Variants in FERMT1 observed in about 807,000 individuals in gnomAD.
The protein encoded by FERMT1 is fermitin family homolog 1.
FERMT1 carries 60 observed loss-of-function variants against 85.3 expected under a neutral mutation model. That is an observed-to-expected ratio of 0.70 (90% confidence interval 0.57 to 0.87). The LOEUF (loss-of-function observed/expected upper bound fraction) is 0.87, where lower values mean the gene tolerates loss of function less well. FERMT1 is among the 40% of genes least tolerant of loss of function. The pLI, the probability that FERMT1 is intolerant of heterozygous loss-of-function variation, is 0.00. For synonymous variants in FERMT1, 275 were observed against 301.1 expected (o/e 0.91, Z 0.90); for missense variants, 701 against 818.9 (o/e 0.86, Z 1.76).
chr20:6,083,379 C>A lies in FERMT1; in HGVS notation c.1718+661G>T, dbSNP rs1354601141. 2.0e-5 allele frequency among the ~76,000 whole-genome samples: 3 copies of A among 152,148 alleles called. No homozygotes were observed. In the East Asian group the frequency reaches 5.8e-4, roughly 29 times the overall value. Reference sequence around the variant, plus strand: ...TGGGCCTCCTATGCATCCTTCAGACCCAGAAATCTTCAGAGACCAGTGAGA... The same window carrying A: ...TGGGCCTCCTATGCATCCTTCAGACACAGAAATCTTCAGAGACCAGTGAGA... On this transcript the variant is annotated intron_variant, in intron 13 of 14. Coordinates refer to ENST00000217289, the MANE Select transcript of FERMT1 (RefSeq NM_017671.5).
intron 14 of FERMT1, 109 bp from the exon 15 acceptor site, chr20:6,077,455 G>T: frequency 1.0e-6 from 1 of 967,294 alleles, no homozygotes; most frequent in Non-Finnish European, 1.6e-6. Context: ...GTGGATAACA[G>T]ATGGATATCC....
Position 6,119,289 on chromosome 20 carries a change from T to C in FERMT1, c.151+115A>G, listed in dbSNP as rs1983196551. ...CTCCTCTGGGATGAGGGGTGGGGGATTGCTCTCCAGGGCATTACAAGATAA... is the reference window on the plus strand; with the variant it reads ...CTCCTCTGGGATGAGGGGTGGGGGACTGCTCTCCAGGGCATTACAAGATAA... On this transcript the variant is annotated intron_variant, in intron 2 of 14. Coordinates refer to ENST00000217289, the MANE Select transcript of FERMT1 (RefSeq NM_017671.5). The C allele has an allele frequency of 2.8e-6, 3 of 1,063,710 alleles. No individual in the cohort carries two copies. In the South Asian group the frequency reaches 3.9e-5, roughly 14 times the overall value. 65.9% of individuals were successfully genotyped at this position (1,063,710 alleles called of 1,614,324 possible). A position where few individuals can be genotyped will look rare whatever the true frequency, so the allele number is the denominator to read the frequency against.
At chr20:6,108,109 G>C (rs1193646928) in intron 5 of FERMT1, among the ~76,000 whole-genome samples, 1 of 152,188 alleles carries the variant, frequency 6.6e-6, no homozygotes, top group African/African-American at 2.4e-5. Context: ...CAGGTGATCT[G>C]CCTGCCTTGG....
At position 6,097,601 on chromosome 20, in the gene FERMT1, C is replaced by A; in HGVS notation, c.880G>T (p.Glu294Ter). The part of the protein sequence containing the change: ...YDAVRINQLY[E>*]QARWAILLEE... ...AAGAGAATGGCCCACCTGGCTTGCT[C>A]ATAGAGTTGGTTTATTCGGACAGCA... Residue 294 changes from glutamate (E) to a stop codon, truncating the protein, a stop_gained, in exon 7 of 15, where the codon GAG becomes TAG. Coordinates refer to ENST00000217289, the MANE Select transcript of FERMT1 (RefSeq NM_017671.5). LOFTEE classifies it high-confidence loss of function. 6.2e-7 allele frequency: 1 copy of A among 1,613,890 alleles called. No individual in the cohort carries two copies. The highest frequency in any genetic ancestry group is 1.1e-5 in the South Asian group (1 of 91,058).
intron 13 of FERMT1, among the ~76,000 whole-genome samples, chr20:6,081,997 G>A (rs946202196): frequency 1.2e-4 from 19 of 152,126 alleles, no homozygotes; most frequent in African/African-American, 4.6e-4. Flanking sequence ...CATCCAGGGA[G>A]CGGTGAAGCA....
intron 9 of FERMT1, among the ~76,000 whole-genome samples, chr20:6,092,559 A>G (rs537821248): frequency 6.6e-6 from 1 of 152,162 alleles, no homozygotes; most frequent in South Asian, 2.1e-4. Flanking sequence ...AAAAAATTAT[A>G]TCTACATCTG....
intron 1 of FERMT1, among the ~76,000 whole-genome samples, chr20:6,120,936 ATAAT>A (rs1309722956): frequency 3.9e-5 from 6 of 152,228 alleles, no homozygotes; most frequent in African/African-American, 1.4e-4. Flanking sequence ...ACTTTTAATA[ATAAT>A]TAAACAACCA....
intron 2 of FERMT1, among the ~76,000 whole-genome samples, chr20:6,116,314 C>T (rs1191082567): frequency 6.6e-6 from 1 of 151,572 alleles, no homozygotes; most frequent in Admixed American, 6.6e-5. Context: ...TACATGTATA[C>T]GTATATAACA....
chr20:6,085,335 T>G (rs1446843432), intron 11 of FERMT1, 48 bp from the exon 12 acceptor site: 2 of 1,542,136 alleles, frequency 1.3e-6, no homozygotes, highest in Non-Finnish European at 1.8e-6. Context: ...CAAAGCCCCC[T>G]GCTGCACACA....
At chr20:6,095,891 A>G (rs933449166) in intron 8 of FERMT1, among the ~76,000 whole-genome samples, 3 of 152,240 alleles carry the variant, frequency 2.0e-5, no homozygotes, top group Non-Finnish European at 4.4e-5. Context: ...ATTCTAATCC[A>G]TGATTACTGC....
At chr20:6,107,864 C>T (rs1165968921) in intron 5 of FERMT1, among the ~76,000 whole-genome samples, 2 of 152,050 alleles carry the variant, frequency 1.3e-5, no homozygotes, top group South Asian at 2.1e-4. Context: ...TTTTGTTCTG[C>T]TTTGTTTTGT....
chr20:6,088,921 C>T (rs1373209014), intron 10 of FERMT1, 44 bp downstream of exon 10: 1 of 1,594,190 alleles, frequency 6.3e-7, no homozygotes, highest in South Asian at 1.1e-5. Flanking sequence ...ACCGCGTCTG[C>T]CCTGACTTAC....
At chr20:6,112,768 C>A in intron 3 of FERMT1, 145 bp from the exon 4 acceptor site, 1 of 574,248 alleles carries the variant, frequency 1.7e-6, no homozygotes, top group Non-Finnish European at 2.9e-6. Flanking sequence ...TTTGAAGAAA[C>A]AGAAGGGGAA....
At chr20:6,115,021 A>G (rs750361908) in intron 3 of FERMT1, among the ~76,000 whole-genome samples, 32 of 152,358 alleles carry the variant, frequency 2.1e-4, no homozygotes, top group South Asian at 4.1e-4. Context: ...CCTGGGACAC[A>G]GTAGGTGCTC....
At chr20:6,087,711 T>C (rs1982224534) in intron 11 of FERMT1, 66 bp downstream of exon 11, 3 of 866,482 alleles carry the variant, frequency 3.5e-6, no homozygotes, top group Non-Finnish European at 6.0e-6. Flanking sequence ...TGTGAAAACA[T>C]TTTTGGGTTT....
At chr20:6,111,676 C>T (rs913999485) in intron 4 of FERMT1, among the ~76,000 whole-genome samples, 1 of 25,018 alleles carries the variant, frequency 4.0e-5, no homozygotes, top group Non-Finnish European at 8.3e-5. Context: ...AGAAAGAAAG[C>T]CTCAATCTTG....
chr20:6,093,540 G>C (rs1054506365), intron 9 of FERMT1, among the ~76,000 whole-genome samples: 2 of 152,130 alleles, frequency 1.3e-5, no homozygotes, highest in Non-Finnish European at 2.9e-5. Flanking sequence ...TTTTTTTGTG[G>C]AACAATTATG....
chr20:6,097,488 T>A (rs553576656), intron 7 of FERMT1, 36 bp downstream of exon 7: 7 of 1,472,764 alleles, frequency 4.8e-6, no homozygotes, highest in Middle Eastern at 3.4e-4. Context: ...ACTTGGTTTG[T>A]CTCCTTCCAG....
At chr20:6,081,617 G>A (rs1438538584) in intron 13 of FERMT1, among the ~76,000 whole-genome samples, 1 of 152,132 alleles carries the variant, frequency 6.6e-6, no homozygotes, top group African/African-American at 2.4e-5. Context: ...GGTTTCAAGA[G>A]AGAATGGAAG....
Sources: gnomAD v4.1 joint callset for allele counts (sites outside exome capture counted in the v4.1 genomes callset) on GRCh38, gnomAD v4.1.1 for gene constraint, MANE v1.5 for transcripts, NCBI Gene and HGNC (gene_info 2026-07-23, HGNC 2026-07-21) for gene names.